The following RARS1 variants were observed in gnomAD, a reference collection of about 807,000 sequenced individuals.
RARS1 encodes the protein arginine--tRNA ligase, cytoplasmic.
Under a neutral mutation model 78.7 loss-of-function variants are expected in RARS1, and 75 were observed. That is an observed-to-expected ratio of 0.95 (90% CI 0.79 to 1.15). The LOEUF is 1.15. Ranked by LOEUF, RARS1 falls within the 50% of genes most tolerant of loss-of-function variation. The pLI is 0.00. For missense variants in RARS1, 787 were observed against 787.5 expected, an observed-to-expected ratio of 1.00 and a Z score of 0.01; for synonymous variants, 273 against 268.2, an observed-to-expected ratio of 1.02 and a Z score of -0.18.
intron 11 of RARS1, among the ~76,000 whole-genome samples, chr5:168,509,038 T>G (rs1160758716): frequency 6.6e-6 from 1 of 152,088 alleles, no homozygotes; most frequent in Admixed American, 6.6e-5. Context: ...CATCCCTCAT[T>G]GTAGAGCCAC....
At chr5:168,491,946 C>CTTTTT (rs149780336) in intron 2 of RARS1, among the ~76,000 whole-genome samples, 12 of 102,612 alleles carry the variant, frequency 1.2e-4, no homozygotes, top group South Asian at 6.6e-4. Context: ...TGTCATTCAC[C>CTTTTT]TTTTTTTTTT....
At chr5:168,500,271 C>T (rs969338334) in intron 7 of RARS1, among the ~76,000 whole-genome samples, 3 of 146,796 alleles carry the variant, frequency 2.0e-5, no homozygotes, top group African/African-American at 7.6e-5. Flanking sequence ...GATTGGAACA[C>T]AGAAAATTCA....
chr5:168,493,249 A>G (rs1269242784), intron 3 of RARS1: 1 of 161,274 alleles, frequency 6.2e-6, no homozygotes, highest in Non-Finnish European at 1.4e-5. Context: ...TTCATTTTCA[A>G]GCAGAGGAGT....
intron 2 of RARS1, among the ~76,000 whole-genome samples, chr5:168,490,252 G>A (rs931197197): frequency 2.6e-5 from 4 of 151,860 alleles, no homozygotes; most frequent in African/African-American, 7.3e-5. Flanking sequence ...CACCTTTCTC[G>A]TTATGTCATT....
rs549209980 is a variant in RARS1 at position 168,506,691 on chromosome 5, A to G, written c.1237-31A>G. 12 of 1,493,368 alleles carry G rather than the reference A, an allele frequency of 8.0e-6. No homozygotes were observed. The East Asian group carries it at 1.8e-4, about 22-fold the overall frequency. The allele number at this position is 1,493,368 out of a possible 1,614,324, so 92.5% of individuals were successfully genotyped here. ...GTCTTTTTTTTTTTCTTTAAAGAAG[A>G]CTAGCAAGTAACTTTCCGTTTCTGT... On this transcript the variant is annotated intron_variant, in intron 10 of 14. Transcript: ENST00000231572.
chr5:168,487,507 C>A (rs968947452), intron 1 of RARS1, among the ~76,000 whole-genome samples: 1 of 152,202 alleles, frequency 6.6e-6, no homozygotes, highest in Admixed American at 6.5e-5. Context: ...ACAAGTTAGT[C>A]AAGTAAATTG....
intron 12 of RARS1, among the ~76,000 whole-genome samples, chr5:168,512,350 G>T (rs1346186681): frequency 6.6e-6 from 1 of 152,072 alleles, no homozygotes; most frequent in Non-Finnish European, 1.5e-5. Flanking sequence ...TCTAGGAATG[G>T]CATTGCTGGG....
chr5:168,502,231 A>G lies in RARS1; in HGVS notation c.1057+126A>G, dbSNP rs926268965. ...ATTTCAACAGTTATGGGTACTGACCAACCTTATTGTATCTATACCTTCTTA... is the reference window on the plus strand; with the variant it reads ...ATTTCAACAGTTATGGGTACTGACCGACCTTATTGTATCTATACCTTCTTA... On this transcript the variant is annotated intron_variant, in intron 9 of 14. Transcript: ENST00000231572. 24 of 1,336,710 alleles carry G rather than the reference A, an allele frequency of 1.8e-5. No homozygotes were observed. In the Admixed American group the frequency reaches 2.6e-4, roughly 15 times the overall value. 82.8% of individuals were successfully genotyped at this position (1,336,710 alleles called of 1,614,324 possible). A position where few individuals can be genotyped will look rare whatever the true frequency, so the allele number is the denominator to read the frequency against.
chr5:168,499,499 A>T (rs1478002316), intron 7 of RARS1, among the ~76,000 whole-genome samples: 1 of 152,146 alleles, frequency 6.6e-6, no homozygotes, highest in Non-Finnish European at 1.5e-5. Flanking sequence ...TAAAAAGTAA[A>T]CATTTGTGGG....
In RARS1 at chr5:168,518,108, G is replaced by A. The variant is rs180730666; in HGVS notation, c.1873+46G>A. 2.5e-5 allele frequency: 31 copies of A among 1,253,524 alleles called. No homozygotes were observed. The East Asian group carries it at 1.1e-3, about 45-fold the overall frequency. 77.7% of individuals were successfully genotyped at this position (1,253,524 alleles called of 1,614,324 possible). On this transcript the variant is annotated intron_variant, in intron 14 of 14. Transcript: ENST00000231572. ...TTTTTTTTTTTTTAGTGAGAGACAC[G>A]GATCTTGCTCTGTCCCTTGGGCTGG...
chr5:168,498,826 G>A (rs1400382051), intron 7 of RARS1, among the ~76,000 whole-genome samples: 1 of 152,022 alleles, frequency 6.6e-6, no homozygotes, highest in African/African-American at 2.4e-5. Flanking sequence ...AGTTAGCCAG[G>A]CATGTTGGTG....
chr5:168,490,898 A>C (rs1758068274), intron 2 of RARS1, among the ~76,000 whole-genome samples: 1 of 152,182 alleles, frequency 6.6e-6, no homozygotes, highest in Non-Finnish European at 1.5e-5. Flanking sequence ...GCTGTTTGGG[A>C]GGCCGAGGCA....
intron 8 of RARS1, 148 bp from the exon 9 acceptor site, chr5:168,501,853 T>C (rs1395605556): frequency 8.2e-7 from 1 of 1,212,492 alleles, no homozygotes; most frequent in Non-Finnish European, 1.1e-6. Context: ...ACAGCATGTA[T>C]ATAATGTTCT....
In RARS1 at chr5:168,510,711, A is replaced by G. The variant is rs367723934; in HGVS notation, c.1452+25A>G. Reference sequence around the variant, plus strand: ...GGTAATTCAAAGCCTTATAGGCATAATGTGTATCAAGCATTGTGATTTTTC... The same window carrying G: ...GGTAATTCAAAGCCTTATAGGCATAGTGTGTATCAAGCATTGTGATTTTTC... On this transcript the variant is annotated intron_variant, in intron 12 of 14. Coordinates refer to ENST00000231572, the MANE Select transcript of RARS1 (RefSeq NM_002887.4). 2.6e-5 allele frequency: 39 copies of G among 1,505,002 alleles called. No individual in the cohort carries two copies. Among genetic ancestry groups the G allele is most frequent in the Non-Finnish European group, 3.2e-5 (35 of 1,102,570 alleles). The allele number at this position is 1,505,002 out of a possible 1,614,324, so 93.2% of individuals were successfully genotyped here.
Position 168,517,556 on chromosome 5 carries a change from C to A in RARS1, c.1626-259C>A, listed in dbSNP as rs10075191. ...CTAAACCTGGCCTTAACTGCACTTG[C>A]CGATACTCTTCTAGATGCTCTATGT... is the stretch of plus-strand genomic sequence containing the variant. On this transcript the variant is annotated intron_variant, in intron 13 of 14. Coordinates refer to ENST00000231572, the MANE Select transcript of RARS1 (RefSeq NM_002887.4). Among the ~76,000 whole-genome samples the A allele has an allele frequency of 0.025, 3,834 of 152,258 alleles. 139 individuals are homozygous for A. The highest frequency in any genetic ancestry group is 0.087 in the African/African-American group (3,621 of 41,512).
chr5:168,511,526 C>G (rs968552991), intron 12 of RARS1, among the ~76,000 whole-genome samples: 2 of 152,110 alleles, frequency 1.3e-5, no homozygotes, highest in Non-Finnish European at 2.9e-5. Context: ...CATGATCCAG[C>G]TGAATCACTG....
At chr5:168,511,021 C>T (rs1758553673) in intron 12 of RARS1, among the ~76,000 whole-genome samples, 1 of 152,092 alleles carries the variant, frequency 6.6e-6, no homozygotes. Flanking sequence ...TCTACATGTG[C>T]CATGCTCCTT....
At chr5:168,487,189 C>T (rs1757982908) in intron 1 of RARS1, among the ~76,000 whole-genome samples, 1 of 151,372 alleles carries the variant, frequency 6.6e-6, no homozygotes, top group Non-Finnish European at 1.5e-5. Flanking sequence ...AGTGAAACTC[C>T]GTCTCTACTG....
At chr5:168,506,332 A>G (rs904374219) in intron 10 of RARS1, 133 bp downstream of exon 10, 1 of 767,160 alleles carries the variant, frequency 1.3e-6, no homozygotes, top group Non-Finnish European at 2.0e-6. Context: ...TCAGTATAGC[A>G]TAGAAGAAAG....
Sources: allele counts gnomAD v4.1 joint callset (sites outside exome capture counted in the v4.1 genomes callset), GRCh38; gene constraint gnomAD v4.1.1; transcripts MANE v1.5; gene names NCBI Gene and HGNC (gene_info 2026-07-23, HGNC 2026-07-21).